ARHGAP22: variants seen among roughly 807,000 people sequenced by gnomAD.
The protein encoded by ARHGAP22 is rho GTPase-activating protein 22.
Under a neutral mutation model 59.1 loss-of-function variants are expected in ARHGAP22, and 48 were observed. That is an observed-to-expected ratio of 0.81 (90% CI 0.64 to 1.03). The LOEUF is 1.03. ARHGAP22 is among the 50% of genes least tolerant of loss of function. The pLI is 0.00. For synonymous variants in ARHGAP22, 445 were observed against 416.4 expected (o/e 1.07, Z -0.84); for missense variants, 1,015 against 958.7 (o/e 1.06, Z -0.78).
At chr10:48,636,974 C>A (rs2061844401) in intron 1 of ARHGAP22, among the ~76,000 whole-genome samples, 1 of 152,206 alleles carries the variant, frequency 6.6e-6, no homozygotes, top group South Asian at 2.1e-4. Context: ...GAGGCTTTCT[C>A]ATGATGGCCA....
chr10:48,488,199 C>T (rs987179344), intron 3 of ARHGAP22, among the ~76,000 whole-genome samples: 3 of 152,138 alleles, frequency 2.0e-5, no homozygotes, highest in Admixed American at 1.3e-4. Flanking sequence ...TCATCTCATA[C>T]GTAATAGGTT....
At chr10:48,623,042 G>A (rs2061336518) in intron 1 of ARHGAP22, among the ~76,000 whole-genome samples, 1 of 152,326 alleles carries the variant, frequency 6.6e-6, no homozygotes, top group Non-Finnish European at 1.5e-5. Flanking sequence ...TTCTTTAAAA[G>A]ATCAAAAGCC....
chr10:48,617,022 C>T (rs185100123), intron 1 of ARHGAP22, among the ~76,000 whole-genome samples: 8 of 152,056 alleles, frequency 5.3e-5, no homozygotes, highest in Non-Finnish European at 1.2e-4. Flanking sequence ...TTAATAGGCC[C>T]ACAATGTATA....
chr10:48,486,496 C>T (rs1371005585), intron 3 of ARHGAP22, among the ~76,000 whole-genome samples: 1 of 151,996 alleles, frequency 6.6e-6, no homozygotes, highest in African/African-American at 2.4e-5. Context: ...ACGCACACCA[C>T]GCCAGGTTAA....
chr10:48,547,872 A>T (rs565503093), intron 3 of ARHGAP22, among the ~76,000 whole-genome samples: 1 of 152,322 alleles, frequency 6.6e-6, no homozygotes, highest in East Asian at 1.9e-4. Flanking sequence ...GCCCTGCAGA[A>T]ATACAGTCAT....
chr10:48,493,047 G>A (rs1381967725), intron 3 of ARHGAP22, among the ~76,000 whole-genome samples: 1 of 152,262 alleles, frequency 6.6e-6, no homozygotes, highest in East Asian at 1.9e-4. Flanking sequence ...ATTTGGACTA[G>A]CCACGTTTCA....
In ARHGAP22 at chr10:48,641,781, A is replaced by G. The variant is rs559189789; in HGVS notation, c.52+10453T>C. 2.6e-5 allele frequency among the ~76,000 whole-genome samples: 4 copies of G among 152,322 alleles called. No individual in the cohort carries two copies. In the South Asian group the frequency reaches 8.3e-4, roughly 32 times the overall value. ...AGGAGAAAGAAATAAAAGGTATTCA[A>G]TTAGGAAATGAGGAAGTCAAATTGT... On this transcript the variant is annotated intron_variant, in intron 1 of 9. Coordinates refer to the ARHGAP22 transcript ENST00000435790.
chr10:48,484,260 C>T (rs753671146), intron 3 of ARHGAP22, among the ~76,000 whole-genome samples: 4 of 152,214 alleles, frequency 2.6e-5, no homozygotes, highest in Non-Finnish European at 5.9e-5. Flanking sequence ...ATTGTAATGA[C>T]AGTATATCTT....
chr10:48,449,021 C>G (rs1228829383), intron 9 of ARHGAP22, among the ~76,000 whole-genome samples: 1 of 152,212 alleles, frequency 6.6e-6, no homozygotes, highest in Admixed American at 6.5e-5. Flanking sequence ...TCAAAGAGCC[C>G]TGCATCTCCC....
chr10:48,433,027 C>T, the ARHGAP22 span, among the ~76,000 whole-genome samples: 1 of 152,140 alleles, frequency 6.6e-6, no homozygotes, highest in Non-Finnish European at 1.5e-5. Flanking sequence ...TGTCGAGTGC[C>T]TTCCTATCTT....
At chr10:48,651,728 G>A (rs933868374) in intron 1 of ARHGAP22, among the ~76,000 whole-genome samples, 1 of 152,090 alleles carries the variant, frequency 6.6e-6, no homozygotes, top group Non-Finnish European at 1.5e-5. Flanking sequence ...TATCTCCCAG[G>A]CACTTTACTG....
chr10:48,587,441 G>C (rs997338507), intron 1 of ARHGAP22, among the ~76,000 whole-genome samples: 1 of 152,224 alleles, frequency 6.6e-6, no homozygotes, highest in Non-Finnish European at 1.5e-5. Flanking sequence ...TCAATGGGTT[G>C]AGAATTGCTA....
At chr10:48,557,920 G>A (rs945545856) in intron 2 of ARHGAP22, among the ~76,000 whole-genome samples, 1 of 152,256 alleles carries the variant, frequency 6.6e-6, no homozygotes, top group Non-Finnish European at 1.5e-5. Context: ...ATGAAAAGAT[G>A]TGAATGGAGT....
At chr10:48,473,386 GATGGTGGTGATGGTTGTAC>G (rs1307796645) in intron 4 of ARHGAP22, among the ~76,000 whole-genome samples, 2 of 152,216 alleles carry the variant, frequency 1.3e-5, no homozygotes, top group Non-Finnish European at 2.9e-5. Context: ...TCTGGAGAGG[GATGGTGGTGATGGTTGTAC>G]AACAGTGTGA....
At chr10:48,498,402 G>C (rs750608315) in intron 3 of ARHGAP22, among the ~76,000 whole-genome samples, 1 of 152,132 alleles carries the variant, frequency 6.6e-6, no homozygotes, top group Non-Finnish European at 1.5e-5. Flanking sequence ...TGCTCCACAT[G>C]ATGGCCCTTC....
intron 1 of ARHGAP22, among the ~76,000 whole-genome samples, chr10:48,611,502 T>C (rs1033521792): frequency 1.3e-5 from 2 of 152,054 alleles, no homozygotes; most frequent in African/African-American, 4.8e-5. Flanking sequence ...AGGAAGCAGG[T>C]CTGAAATGAT....
At position 48,533,499 on chromosome 10, in the gene ARHGAP22, A is replaced by T. The variant is rs1211136376; in HGVS notation, c.322+21964T>A. ...TTTCTCAGGCTCTCAATTATTTTGA[A>T]CTATTGTGGTATCACTATTTTATTC... is the stretch of plus-strand genomic sequence containing the variant. On this transcript the variant is annotated intron_variant, in intron 3 of 9. Transcript: ENST00000249601. 2.0e-5 allele frequency among the ~76,000 whole-genome samples: 3 copies of T among 152,204 alleles called. No individual in the cohort carries two copies. The East Asian group carries it at 5.8e-4, about 29-fold the overall frequency.
rs2045336792 is a variant in ARHGAP22, at chr10:48,446,210, T to C, written c.*181A>G. 2 of 637,386 alleles carry C rather than the reference T, an allele frequency of 3.1e-6. No individual in the cohort carries two copies. Among genetic ancestry groups the C allele is most frequent in the African/African-American group, 1.8e-5 (1 of 54,448 alleles). 39.5% of individuals were successfully genotyped at this position (637,386 alleles called of 1,614,324 possible). ...GGAACTGCATGGTTGGAGCAGCATCTGATCCCACCTGGAGTGTGTGGGGTC... is the reference window on the plus strand; with the variant it reads ...GGAACTGCATGGTTGGAGCAGCATCCGATCCCACCTGGAGTGTGTGGGGTC... On this transcript the variant is annotated 3_prime_UTR_variant, in exon 10 of 10. Transcript: ENST00000249601.
intron 3 of ARHGAP22, among the ~76,000 whole-genome samples, chr10:48,549,590 C>G (rs1215126580): frequency 3.3e-5 from 5 of 152,142 alleles, no homozygotes; most frequent in African/African-American, 1.2e-4. Context: ...GCTGCAGAGA[C>G]CTCACCTTCC....
Sources: gnomAD v4.1 joint callset for allele counts (sites outside exome capture counted in the v4.1 genomes callset) on GRCh38, gnomAD v4.1.1 for gene constraint, MANE v1.5 for transcripts, NCBI Gene and HGNC (gene_info 2026-07-23, HGNC 2026-07-21) for gene names.